CKM: variants seen among roughly 807,000 people sequenced by gnomAD.
The protein encoded by CKM is creatine kinase, M-type.
In CKM, 28 loss-of-function variants were observed where a neutral mutation model predicts 35.4. The ratio of observed to expected loss-of-function variants is 0.79; its 90% CI spans 0.59 to 1.08. The LOEUF is 1.08. Among genes scored for constraint, CKM ranks in the 50% least tolerant of loss-of-function variants. The pLI is 0.00. For missense variants in CKM, 484 were observed against 509.8 expected (o/e 0.95, Z 0.49); for synonymous variants, 215 against 204.4 (o/e 1.05, Z -0.44).
In CKM at chr19:45,315,343, G is replaced by A. The variant is rs1055502499; in HGVS notation, c.481+122C>T. ...CCCGCGCCATTCCCCAAGCCCCCACGATTTACCAAGCTCTTCCCCTACTTT... is the reference window on the plus strand; with the variant it reads ...CCCGCGCCATTCCCCAAGCCCCCACAATTTACCAAGCTCTTCCCCTACTTT... On this transcript the variant is annotated intron_variant, in intron 4 of 7. Transcript: ENST00000221476. 4.4e-6 allele frequency: 5 copies of A among 1,144,912 alleles called. No homozygotes were observed. The South Asian group carries it at 4.4e-5, about 10-fold the overall frequency. The allele number at this position is 1,144,912 out of a possible 1,614,324, so 70.9% of individuals were successfully genotyped here.
At chr19:45,317,021 T>C (rs1347966038) in intron 3 of CKM, among the ~76,000 whole-genome samples, 1 of 151,936 alleles carries the variant, frequency 6.6e-6, no homozygotes, top group Non-Finnish European at 1.5e-5. Flanking sequence ...TGTGCCTTTC[T>C]TCTCCCTCTC....
intron 3 of CKM, among the ~76,000 whole-genome samples, chr19:45,317,420 TG>T (rs1971169024): frequency 6.6e-6 from 1 of 152,130 alleles, no homozygotes; most frequent in Admixed American, 6.5e-5. Flanking sequence ...CCCACGTAGC[TG>T]GGATTACAGG....
At chr19:45,322,313 A>T (rs889478148) in intron 1 of CKM, among the ~76,000 whole-genome samples, 4 of 152,036 alleles carry the variant, frequency 2.6e-5, no homozygotes, top group African/African-American at 9.7e-5. Context: ...ACACAGTCAC[A>T]CTTCCAAACT....
chr19:45,317,342 C>G (rs1393519129), intron 3 of CKM, among the ~76,000 whole-genome samples: 1 of 152,174 alleles, frequency 6.6e-6, no homozygotes, highest in Non-Finnish European at 1.5e-5. Flanking sequence ...GGCTGGAGTG[C>G]AATGGCACGA....
chr19:45,317,973 G>C lies in CKM; in HGVS notation c.200C>G (p.Pro67Arg), dbSNP rs776827903. 5.0e-6 allele frequency: 8 copies of C among 1,613,840 alleles called. No homozygotes were observed. The East Asian group carries it at 8.9e-5, about 18-fold the overall frequency. The change falls in exon 3 of 8, where the codon CCC becomes CGC. Residue 67 changes from proline (P) to arginine (R), a missense_variant. Coordinates refer to ENST00000221476, the MANE Select transcript of CKM (RefSeq NM_001824.5). ...CACGCAGCCCACGGTCATGATGAAG[G>C]GGTGACCTGGAGGGGTGGGGGTGAG... ...IQTGVDNPGHPFIMTVGCVAG... is the reference protein window; with the variant it reads ...IQTGVDNPGHRFIMTVGCVAG...
Position 45,315,571 on chromosome 19 carries a change from G to T in CKM, c.375C>A (p.Tyr125Ter). ...LKGGDDLDPN[Y>*]VLSSRVRTGR... Reference sequence around the variant, plus strand: ...CAGTGCGGACGCGGCTGCTGAGCACGTAGTTAGGGTCCAGGTCGTCTCCAC... The same window carrying T: ...CAGTGCGGACGCGGCTGCTGAGCACTTAGTTAGGGTCCAGGTCGTCTCCAC... Residue 125 changes from tyrosine to a stop codon, truncating the protein, a stop_gained, in exon 4 of 8, where the codon TAC becomes TAA. Transcript: ENST00000221476. LOFTEE classifies it high-confidence loss of function. The T allele has an allele frequency of 6.2e-7, 1 of 1,604,504 alleles. No homozygotes were observed. The highest frequency in any genetic ancestry group is 2.2e-5 in the East Asian group (1 of 44,874).
chr19:45,318,226 G>A (rs543159254), intron 2 of CKM, among the ~76,000 whole-genome samples: 7 of 152,154 alleles, frequency 4.6e-5, no homozygotes, highest in Admixed American at 1.3e-4. Context: ...TGGCCAACAG[G>A]GTGAAACCCC....
chr19:45,313,112 C>T (rs1428750193), intron 4 of CKM, among the ~76,000 whole-genome samples: 3 of 151,880 alleles, frequency 2.0e-5, no homozygotes, highest in Non-Finnish European at 4.4e-5. Flanking sequence ...CGTTTTATTG[C>T]ATTTTGCAGA....
intron 1 of CKM, 123 bp downstream of exon 1, chr19:45,322,698 T>A: frequency 1.8e-6 from 1 of 544,912 alleles, no homozygotes; most frequent in Non-Finnish European, 2.3e-6. Flanking sequence ...CCGACCTGCC[T>A]TTGTATAGGA....
chr19:45,319,435 C>CG (rs543552195), intron 2 of CKM, 86 bp downstream of exon 2: 16 of 1,047,048 alleles, frequency 1.5e-5, no homozygotes, highest in South Asian at 4.0e-5. Flanking sequence ...GGCCCCCCCC[C>CG]CTTCAAGGGT....
intron 2 of CKM, 116 bp from the exon 3 acceptor site, chr19:45,318,095 A>G (rs1358596069): frequency 6.4e-6 from 5 of 781,762 alleles, no homozygotes; most frequent in Non-Finnish European, 2.1e-6. Flanking sequence ...GGTACATTCA[A>G]TACCTCTGGG....
At chr19:45,320,185 C>G (rs1281315031) in intron 1 of CKM, among the ~76,000 whole-genome samples, 1 of 152,132 alleles carries the variant, frequency 6.6e-6, no homozygotes, top group Non-Finnish European at 1.5e-5. Flanking sequence ...CTCCCAGGTT[C>G]AAGAGATTCT....
intron 5 of CKM, 43 bp from the exon 6 acceptor site, chr19:45,308,575 G>A (rs767568702): frequency 3.7e-6 from 6 of 1,613,054 alleles, no homozygotes; most frequent in African/African-American, 2.7e-5. Flanking sequence ...TGTCAGCCCC[G>A]TGGGAACCCC....
At chr19:45,311,565 A>G (rs1159017999) in intron 5 of CKM, among the ~76,000 whole-genome samples, 184 bp downstream of exon 5, 1 of 152,216 alleles carries the variant, frequency 6.6e-6, no homozygotes, top group Non-Finnish European at 1.5e-5. Context: ...CGGTCCAGAT[A>G]TCCCAAAATC....
At chr19:45,308,656 G>A in intron 5 of CKM, 124 bp from the exon 6 acceptor site, 2 of 1,226,110 alleles carry the variant, frequency 1.6e-6, no homozygotes, top group Non-Finnish European at 2.4e-6. Context: ...GAGGTGGGTG[G>A]CATCTGCCTC....
chr19:45,317,503 T>C (rs1335494030), intron 3 of CKM, among the ~76,000 whole-genome samples: 1 of 151,824 alleles, frequency 6.6e-6, no homozygotes, highest in Non-Finnish European at 1.5e-5. Flanking sequence ...GTCAGGCTGG[T>C]CTCAAACTCT....
intron 5 of CKM, among the ~76,000 whole-genome samples, chr19:45,310,399 C>T (rs566686150): frequency 1.3e-5 from 2 of 151,126 alleles, no homozygotes; most frequent in South Asian, 2.1e-4. Context: ...GGATTACAGG[C>T]GTGAGCCACC....
chr19:45,310,266 G>A (rs980210777), intron 5 of CKM, among the ~76,000 whole-genome samples: 67 of 151,806 alleles, frequency 4.4e-4, no homozygotes, highest in African/African-American at 1.6e-3. Context: ...GACTACAGGC[G>A]CCTGCCACCA....
chr19:45,313,708 G>A (rs539197747), intron 4 of CKM, among the ~76,000 whole-genome samples: 7 of 152,286 alleles, frequency 4.6e-5, no homozygotes, highest in East Asian at 1.9e-4. Context: ...TTAGCCAGGC[G>A]TGGTGGCGCA....
Sources: gnomAD v4.1 joint callset for allele counts (sites outside exome capture counted in the v4.1 genomes callset) on GRCh38, gnomAD v4.1.1 for gene constraint, MANE v1.5 for transcripts, NCBI Gene and HGNC (gene_info 2026-07-23, HGNC 2026-07-21) for gene names.